BMPR1B: variants seen among roughly 807,000 people sequenced by gnomAD.
BMPR1B encodes the protein bone morphogenetic protein receptor type 1B, also known as bone morphogenetic protein receptor type-1B.
In BMPR1B, 12 loss-of-function variants were observed where a neutral mutation model predicts 59.1. That is an observed-to-expected ratio of 0.20 (90% confidence interval 0.13 to 0.33). BMPR1B has a LOEUF of 0.33. Ranked by LOEUF, BMPR1B falls within the 10% of genes least tolerant of loss-of-function variation. The pLI, the probability that BMPR1B is intolerant of heterozygous loss-of-function variation, is 1.00. For synonymous variants in BMPR1B, 237 were observed against 207.3 expected, an observed-to-expected ratio of 1.14 and a Z score of -1.23; for missense variants, 550 against 610.9, an observed-to-expected ratio of 0.90 and a Z score of 1.05.
At chr4:94,786,738 G>A (rs1226906427) in intron 1 of BMPR1B, among the ~76,000 whole-genome samples, 1 of 151,862 alleles carries the variant, frequency 6.6e-6, no homozygotes, top group Admixed American at 6.6e-5. Context: ...TAGAGATGGG[G>A]CTTCACCGTG....
intron 1 of BMPR1B, among the ~76,000 whole-genome samples, chr4:94,849,572 C>A (rs569673571): frequency 1.3e-5 from 2 of 151,792 alleles, no homozygotes; most frequent in East Asian, 3.9e-4. Context: ...TGGGAATGAT[C>A]TAGTAGAGAG....
At chr4:94,833,214 C>T (rs1264770984) in intron 1 of BMPR1B, among the ~76,000 whole-genome samples, 1 of 141,338 alleles carries the variant, frequency 7.1e-6, no homozygotes, top group Non-Finnish European at 1.5e-5. Context: ...AAAAAAAATG[C>T]AGGTATAAAT....
At chr4:95,055,815 T>C (rs1373992881) in intron 3 of BMPR1B, among the ~76,000 whole-genome samples, 1 of 152,242 alleles carries the variant, frequency 6.6e-6, no homozygotes, top group East Asian at 1.9e-4. Flanking sequence ...GTACATAGTA[T>C]AATTCAAACT....
intron 3 of BMPR1B, among the ~76,000 whole-genome samples, chr4:95,002,992 T>C (rs1233237951): frequency 6.6e-6 from 1 of 151,986 alleles, no homozygotes; most frequent in Non-Finnish European, 1.5e-5. Context: ...AATGTTCCTT[T>C]ATTTAAAAAA....
intron 1 of BMPR1B, among the ~76,000 whole-genome samples, chr4:94,855,690 C>T (rs1197225540): frequency 6.6e-6 from 1 of 152,200 alleles, no homozygotes; most frequent in Non-Finnish European, 1.5e-5. Flanking sequence ...TGCATTGCTG[C>T]CACTGGTGAT....
At chr4:95,149,093 G>T (rs1734850867) in intron 11 of BMPR1B, among the ~76,000 whole-genome samples, 170 bp downstream of exon 11, 1 of 152,138 alleles carries the variant, frequency 6.6e-6, no homozygotes, top group Non-Finnish European at 1.5e-5. Flanking sequence ...CGACATCCTA[G>T]AATAATCTTT....
rs1560583372 is a variant in BMPR1B at position 94,990,705 on chromosome 4, T to TG, written c.-112-5335_-112-5334insG. Among the ~76,000 whole-genome samples, 13 of 150,780 alleles carry TG rather than the reference T, an allele frequency of 8.6e-5. No homozygotes were observed. The East Asian group carries it at 1.4e-3, about 16-fold the overall frequency. ...TTGTTGTTGTTGTTGTTGTTGTTGTTTTTTATACTTTAAGTTTTAGGGTAC... is the reference window on the plus strand; with the variant it reads ...TTGTTGTTGTTGTTGTTGTTGTTGTTGTTTTATACTTTAAGTTTTAGGGTAC... On this transcript the variant is annotated intron_variant, in intron 2 of 12. Transcript: ENST00000515059.
intron 3 of BMPR1B, among the ~76,000 whole-genome samples, chr4:95,079,545 T>A (rs1414053109): frequency 6.6e-6 from 1 of 152,210 alleles, no homozygotes; most frequent in Admixed American, 6.5e-5. Flanking sequence ...CCTTAGTGTA[T>A]CTTATCTTTC....
intron 6 of BMPR1B, among the ~76,000 whole-genome samples, chr4:95,123,549 T>C (rs1579116771): frequency 2.0e-5 from 3 of 152,156 alleles, no homozygotes; most frequent in Admixed American, 2.0e-4. Context: ...TTCTGTAGTT[T>C]TATCCTGTGT....
Position 95,129,036 on chromosome 4 carries a change from C to T in BMPR1B, c.586-826C>T, listed in dbSNP as rs764857969. On this transcript the variant is annotated intron_variant, in intron 8 of 12. Coordinates refer to ENST00000515059, the MANE Select transcript of BMPR1B (RefSeq NM_001203.3). The stretch of plus-strand genomic sequence containing the variant: ...TTATTTCCCTGTGAGCCCAGGAGTG[C>T]ATTACAGTTTATTTCTTATGTTATA... Among the ~76,000 whole-genome samples, 27 of 120,142 alleles carry T rather than the reference C, an allele frequency of 2.2e-4. 1 individual carries two copies. The highest frequency in any genetic ancestry group is 4.9e-4 in the Non-Finnish European group (25 of 50,542). The allele number at this position is 120,142 out of a possible 152,430, so 78.8% of individuals were successfully genotyped here.
intron 3 of BMPR1B, among the ~76,000 whole-genome samples, chr4:95,004,822 A>G (rs1379304016): frequency 6.6e-6 from 1 of 152,178 alleles, no homozygotes; most frequent in Non-Finnish European, 1.5e-5. Flanking sequence ...ATGGTGACCT[A>G]GGACACAACG....
intron 10 of BMPR1B, among the ~76,000 whole-genome samples, chr4:95,138,492 T>A (rs1560685454): frequency 6.6e-6 from 1 of 152,230 alleles, no homozygotes; most frequent in Non-Finnish European, 1.5e-5. Flanking sequence ...GATAATGTCC[T>A]GAAGAGTGTC....
At chr4:95,128,850 G>T (rs891889739) in intron 8 of BMPR1B, among the ~76,000 whole-genome samples, 2 of 152,032 alleles carry the variant, frequency 1.3e-5, no homozygotes, top group African/African-American at 4.8e-5. Flanking sequence ...ATCTGAAGAG[G>T]TTAAATCTAC....
At chr4:95,024,586 C>T (rs1241736453) in intron 3 of BMPR1B, among the ~76,000 whole-genome samples, 27 of 152,132 alleles carry the variant, frequency 1.8e-4, no homozygotes, top group Admixed American at 1.8e-3. Flanking sequence ...TCACCAGTTT[C>T]CTAAATATCA....
At chr4:95,015,210 G>C (rs1207426998) in intron 3 of BMPR1B, among the ~76,000 whole-genome samples, 1 of 152,050 alleles carries the variant, frequency 6.6e-6, no homozygotes, top group African/African-American at 2.4e-5. Context: ...ACACACGAAA[G>C]AAAGAAAAGA....
chr4:95,141,633 C>T (rs3755876), intron 10 of BMPR1B, among the ~76,000 whole-genome samples: 69,791 of 151,990 alleles, frequency 0.46, 17,692 homozygotes, highest in Admixed American at 0.59. Flanking sequence ...TACCTTCAAT[C>T]TCTATTGGGA....
chr4:94,770,491 T>G (rs1252291964), intron 1 of BMPR1B, among the ~76,000 whole-genome samples: 3 of 152,078 alleles, frequency 2.0e-5, no homozygotes, highest in African/African-American at 7.2e-5. Context: ...TTGAATCTTA[T>G]TTGATGTTTT....
At chr4:95,095,457 A>C (rs1730299991) in intron 3 of BMPR1B, among the ~76,000 whole-genome samples, 1 of 152,126 alleles carries the variant, frequency 6.6e-6, no homozygotes. Context: ...TCAGTACTTT[A>C]AAATTTTTCT....
intron 1 of BMPR1B, among the ~76,000 whole-genome samples, chr4:94,771,118 G>A (rs1024361503): frequency 1.3e-5 from 2 of 152,132 alleles, no homozygotes; most frequent in Non-Finnish European, 2.9e-5. Context: ...GTAGCAGCAG[G>A]AAGAAAAAGC....
Sources: gnomAD v4.1 joint callset for allele counts (sites outside exome capture counted in the v4.1 genomes callset) on GRCh38, gnomAD v4.1.1 for gene constraint, MANE v1.5 for transcripts, NCBI Gene and HGNC (gene_info 2026-07-23, HGNC 2026-07-21) for gene names.